KHDC1: variants seen among roughly 807,000 people sequenced by gnomAD.
KHDC1 encodes KH domain containing 1.
Under a neutral mutation model 24.7 loss-of-function variants are expected in KHDC1, and 21 were observed. The ratio of observed to expected loss-of-function variants is 0.85; its 90% CI spans 0.60 to 1.23. KHDC1 has a LOEUF of 1.23. Among genes scored for constraint, KHDC1 ranks in the 50% most tolerant of loss-of-function variants. The probability of loss-of-function intolerance (pLI) is 0.00; values close to 1 mark genes in which losing one functional copy is unlikely to be tolerated. For synonymous variants in KHDC1, 98 were observed against 111.7 expected (o/e 0.88, Z 0.77); for missense variants, 274 against 298.5 (o/e 0.92, Z 0.61).
chr6:73,256,889 A>T (rs1766888313), intron 2 of KHDC1, among the ~76,000 whole-genome samples: 1 of 152,234 alleles, frequency 6.6e-6, no homozygotes, highest in Admixed American at 6.5e-5. Flanking sequence ...TTTATAAAAT[A>T]AAATGCTTTA....
At chr6:73,268,323 G>A (rs1189377488) in intron 2 of KHDC1, 2 of 154,356 alleles carry the variant, frequency 1.3e-5, no homozygotes, top group Admixed American at 1.3e-4. Flanking sequence ...CTGGCTTCAG[G>A]AGTGAAGCTG....
At chr6:73,244,247 C>T (rs546089656) in intron 2 of KHDC1, among the ~76,000 whole-genome samples, 16 of 152,228 alleles carry the variant, frequency 1.1e-4, no homozygotes, top group African/African-American at 3.9e-4. Flanking sequence ...GCCTTAGTTT[C>T]GCACAAACTG....
At chr6:73,302,641 A>G (rs1767896788) in intron 1 of KHDC1, among the ~76,000 whole-genome samples, 1 of 152,152 alleles carries the variant, frequency 6.6e-6, no homozygotes, top group African/African-American at 2.4e-5. Context: ...TGCTGTCACC[A>G]TTCTGATGGT....
intron 2 of KHDC1, among the ~76,000 whole-genome samples, chr6:73,263,614 G>T (rs957046623): frequency 1.1e-4 from 3 of 27,518 alleles, no homozygotes; most frequent in East Asian, 4.5e-3. Flanking sequence ...GTCGCGGTGG[G>T]GGGGGGGGTG....
intron 2 of KHDC1, among the ~76,000 whole-genome samples, chr6:73,283,731 C>A (rs1202276374): frequency 1.3e-5 from 2 of 151,164 alleles, no homozygotes; most frequent in Admixed American, 6.6e-5. Flanking sequence ...ACCTCTGCCC[C>A]CCAGGTTCAA....
chr6:73,281,336 CAAA>C (rs538844143), intron 2 of KHDC1, among the ~76,000 whole-genome samples: 1 of 133,674 alleles, frequency 7.5e-6, no homozygotes, highest in Non-Finnish European at 1.6e-5. Flanking sequence ...GAGACTCTCT[CAAA>C]AAAAAAAACA....
In KHDC1 at chr6:73,291,800, T is replaced by G. The variant is rs78545657; in HGVS notation, c.206+198A>C. On this transcript the variant is annotated intron_variant, in intron 2 of 4. Coordinates refer to ENST00000370384, the Ensembl canonical transcript of KHDC1. The stretch of plus-strand genomic sequence containing the variant: ...GGGTGAGGGTTGAAGAAGTAAACAT[T>G]GTACCTATTGGATACAATGTTTAAT... Among the ~76,000 whole-genome samples, 1,356 of 152,218 alleles carry G rather than the reference T, an allele frequency of 8.9e-3. 9 individuals carry two copies. Among genetic ancestry groups the G allele is most frequent in the Non-Finnish European group, 0.011 (766 of 68,012 alleles).
intron 2 of KHDC1, among the ~76,000 whole-genome samples, chr6:73,260,694 C>T (rs910349555): frequency 1.3e-5 from 2 of 152,206 alleles, no homozygotes; most frequent in Non-Finnish European, 2.9e-5. Flanking sequence ...CTGATTTATA[C>T]TTCTACTAAG....
At chr6:73,289,637 A>G (rs1272443418) in intron 2 of KHDC1, among the ~76,000 whole-genome samples, 2 of 151,798 alleles carry the variant, frequency 1.3e-5, no homozygotes, top group Non-Finnish European at 2.9e-5. Context: ...GTGACAGAGT[A>G]AGACCCTGTC....
chr6:73,241,352 C>T (rs1766560343), exon 5 of KHDC1: 2 of 602,062 alleles, frequency 3.3e-6, no homozygotes, highest in South Asian at 3.9e-5. Context: ...GATTGCTTTG[C>T]CAATAACACT....
At chr6:73,257,891 T>G (rs1766909239) in intron 2 of KHDC1, among the ~76,000 whole-genome samples, 1 of 152,078 alleles carries the variant, frequency 6.6e-6, no homozygotes, top group African/African-American at 2.4e-5. Flanking sequence ...GAGAATTGCT[T>G]GAGGCCAGGA....
At chr6:73,293,839 T>C (rs951459577) in intron 1 of KHDC1, among the ~76,000 whole-genome samples, 12 of 151,672 alleles carry the variant, frequency 7.9e-5, no homozygotes, top group Admixed American at 4.6e-4. Flanking sequence ...AAACCCCGTC[T>C]CTACAAAAAC....
At chr6:73,257,255 T>C (rs1229405063) in intron 2 of KHDC1, among the ~76,000 whole-genome samples, 1 of 152,152 alleles carries the variant, frequency 6.6e-6, no homozygotes, top group Non-Finnish European at 1.5e-5. Context: ...ATCATACCAC[T>C]GCAATCCAGC....
chr6:73,295,453 G>A (rs983127208), intron 1 of KHDC1, among the ~76,000 whole-genome samples: 4 of 152,086 alleles, frequency 2.6e-5, no homozygotes, highest in Non-Finnish European at 5.9e-5. Context: ...TGTAATCCCA[G>A]CACTTTGGCA....
intron 2 of KHDC1, among the ~76,000 whole-genome samples, chr6:73,260,029 G>C (rs1208719636): frequency 6.6e-6 from 1 of 152,132 alleles, no homozygotes; most frequent in Non-Finnish European, 1.5e-5. Context: ...TGAAAAGTAA[G>C]TCATCAGGGT....
intron 2 of KHDC1, among the ~76,000 whole-genome samples, chr6:73,279,464 C>G (rs906052214): frequency 6.6e-6 from 1 of 151,828 alleles, no homozygotes; most frequent in Admixed American, 6.6e-5. Flanking sequence ...ATAAATCTCT[C>G]TATATGCTCT....
chr6:73,269,778 T>G (rs1401655071), intron 2 of KHDC1: 2 of 152,172 alleles, frequency 1.3e-5, no homozygotes, highest in African/African-American at 4.8e-5. Context: ...TTGTTGTTGT[T>G]GTTGTTGGAG....
intron 2 of KHDC1, among the ~76,000 whole-genome samples, chr6:73,249,174 G>T (rs1020405095): frequency 2.0e-5 from 3 of 152,008 alleles, no homozygotes; most frequent in African/African-American, 7.2e-5. Context: ...CAGTGTGGTG[G>T]CTAACAGGAA....
chr6:73,268,826 C>T (rs2150592933), intron 2 of KHDC1: 1 of 153,342 alleles, frequency 6.5e-6, no homozygotes, highest in Non-Finnish European at 1.5e-5. Flanking sequence ...GGATCCTGCA[C>T]CAGGGCTGCA....
Sources: allele counts gnomAD v4.1 joint callset (sites outside exome capture counted in the v4.1 genomes callset), GRCh38; gene constraint gnomAD v4.1.1; transcripts MANE v1.5; gene names NCBI Gene and HGNC (gene_info 2026-07-23, HGNC 2026-07-21).